Variants in EYA1 observed in about 807,000 individuals in gnomAD.
EYA1 encodes EYA transcriptional coactivator and phosphatase 1.
A neutral mutation model predicts 82.0 loss-of-function variants in EYA1; 16 were observed. That is an observed-to-expected ratio of 0.20 (90% CI 0.13 to 0.30). EYA1 has a LOEUF of 0.30. EYA1 is among the 10% of genes least tolerant of loss of function. The pLI, the probability that EYA1 is intolerant of heterozygous loss-of-function variation, is 1.00. For synonymous variants in EYA1, 261 were observed against 264.4 expected (o/e 0.99, Z 0.12); for missense variants, 633 against 730.7 (o/e 0.87, Z 1.54).
intron 2 of EYA1, among the ~76,000 whole-genome samples, chr8:71,400,095 G>A (rs1829869420): frequency 6.6e-6 from 1 of 152,116 alleles, no homozygotes; most frequent in Non-Finnish European, 1.5e-5. Flanking sequence ...CTAGCCACAT[G>A]CAGAAAATTG....
At chr8:71,417,675 C>G (rs1309610246) in intron 2 of EYA1, among the ~76,000 whole-genome samples, 1 of 152,118 alleles carries the variant, frequency 6.6e-6, no homozygotes, top group Admixed American at 6.5e-5. Context: ...ACAAGGGTTC[C>G]TGCTGAACAC....
intron 2 of EYA1, among the ~76,000 whole-genome samples, chr8:71,458,624 A>G (rs188567256): frequency 7.0e-4 from 107 of 152,122 alleles, no homozygotes; most frequent in Middle Eastern, 3.2e-3. Flanking sequence ...TGGATTAGAT[A>G]TGGATGATGA....
chr8:71,469,420 T>C (rs1327832739), intron 2 of EYA1, among the ~76,000 whole-genome samples: 1 of 151,974 alleles, frequency 6.6e-6, no homozygotes, highest in East Asian at 1.9e-4. Flanking sequence ...GGTGTGAAAA[T>C]AGTGCCTATC....
intron 2 of EYA1, 58 bp from the exon 3 acceptor site, chr8:71,354,967 A>C: frequency 1.3e-6 from 2 of 1,548,330 alleles, no homozygotes; most frequent in Non-Finnish European, 1.8e-6. Flanking sequence ...ACCACCATTT[A>C]ATGCGCTAAT....
At chr8:71,218,166 G>A (rs186059227) in intron 12 of EYA1, among the ~76,000 whole-genome samples, 26 of 152,102 alleles carry the variant, frequency 1.7e-4, no homozygotes, top group Admixed American at 7.9e-4. Context: ...ATTTCCAGGC[G>A]CACATCCTGT....
At chr8:71,381,080 T>C (rs1342181304) in intron 2 of EYA1, among the ~76,000 whole-genome samples, 5 of 152,172 alleles carry the variant, frequency 3.3e-5, no homozygotes, top group Admixed American at 1.3e-4. Context: ...AAATCAAAGA[T>C]ATCAAAGATT....
At chr8:71,439,125 A>G (rs1414612453) in intron 2 of EYA1, among the ~76,000 whole-genome samples, 3 of 152,202 alleles carry the variant, frequency 2.0e-5, no homozygotes, top group Admixed American at 1.3e-4. Context: ...GTAAAGGCCC[A>G]GATGATTCTG....
chr8:71,413,980 A>G (rs752297120), intron 2 of EYA1, among the ~76,000 whole-genome samples: 7 of 152,220 alleles, frequency 4.6e-5, no homozygotes, highest in Admixed American at 6.5e-5. Context: ...GAAGTTTGTT[A>G]GAGAATGCTG....
At chr8:71,393,311 T>C (rs1829385304) in intron 2 of EYA1, among the ~76,000 whole-genome samples, 1 of 152,012 alleles carries the variant, frequency 6.6e-6, no homozygotes, top group Non-Finnish European at 1.5e-5. Flanking sequence ...TTATTATTAT[T>C]ATACTTTAAG....
chr8:71,439,443 A>T (rs181176607), intron 2 of EYA1, among the ~76,000 whole-genome samples: 1 of 152,222 alleles, frequency 6.6e-6, no homozygotes, highest in African/African-American at 2.4e-5. Flanking sequence ...GTTATGTACT[A>T]GTTGGGATGT....
chr8:71,472,857 T>G (rs1024306079), intron 2 of EYA1, among the ~76,000 whole-genome samples: 8 of 147,406 alleles, frequency 5.4e-5, no homozygotes, highest in Non-Finnish European at 1.0e-4. Flanking sequence ...TTATGTTTAT[T>G]TATATTGCCA....
intron 2 of EYA1, among the ~76,000 whole-genome samples, chr8:71,453,399 A>G (rs1008719464): frequency 2.0e-5 from 3 of 152,182 alleles, no homozygotes; most frequent in Non-Finnish European, 4.4e-5. Context: ...GCCAACATTC[A>G]AATTCAGGAA....
intron 17 of EYA1, among the ~76,000 whole-genome samples, chr8:71,203,684 G>A (rs1585742428): frequency 6.6e-6 from 1 of 151,906 alleles, no homozygotes; most frequent in East Asian, 1.9e-4. Flanking sequence ...AATGGAAGGA[G>A]CGAGAGGCTA....
Position 71,448,817 on chromosome 8 carries a change from T to C in EYA1, c.33+86927A>G, listed in dbSNP as rs575376541. 1.9e-4 allele frequency: 32 copies of C among 166,158 alleles called. 1 individual carries two copies. The South Asian group carries it at 4.0e-3, about 21-fold the overall frequency. 10.3% of individuals were successfully genotyped at this position (166,158 alleles called of 1,614,324 possible). Reference sequence around the variant, plus strand: ...ATTTTTCTACATTCCACTTAAAAAGTGTTTCCTTTCCTAAGAAACTGAACT... The same window carrying C: ...ATTTTTCTACATTCCACTTAAAAAGCGTTTCCTTTCCTAAGAAACTGAACT... On this transcript the variant is annotated intron_variant, in intron 2 of 18. Coordinates refer to the EYA1 transcript ENST00000643681.
chr8:71,535,035 A>C (rs1378846158), intron 2 of EYA1, among the ~76,000 whole-genome samples: 1 of 152,118 alleles, frequency 6.6e-6, no homozygotes, highest in Non-Finnish European at 1.5e-5. Flanking sequence ...TTGCTATGGA[A>C]ATTTTCCGAG....
intron 3 of EYA1, among the ~76,000 whole-genome samples, chr8:71,346,431 A>AATATATATAATATATATAT (rs770393582): frequency 7.0e-4 from 74 of 105,230 alleles, no homozygotes; most frequent in African/African-American, 2.2e-3. Context: ...TACTGCAGTG[A>AATATATATAATATATATAT]ATATATATAT....
intron 7 of EYA1, among the ~76,000 whole-genome samples, chr8:71,311,618 G>A (rs929868159): frequency 2.0e-5 from 3 of 152,184 alleles, no homozygotes; most frequent in African/African-American, 7.2e-5. Context: ...TAACACTGCG[G>A]AACAGGAAAA....
At chr8:71,420,474 T>A (rs28455100) in intron 2 of EYA1, among the ~76,000 whole-genome samples, 33,378 of 152,062 alleles carry the variant, frequency 0.22, 4,397 homozygotes, top group Non-Finnish European at 0.3. Flanking sequence ...AAGCTTTTTT[T>A]AAAAAAATTA....
rs149002507 is a variant in EYA1, at chr8:71,394,946, T to C, written c.34-38435A>G. Among the ~76,000 whole-genome samples, 303 of 152,326 alleles carry C rather than the reference T, an allele frequency of 2.0e-3. 1 individual carries two copies. Among genetic ancestry groups the C allele is most frequent in the African/African-American group, 6.8e-3 (282 of 41,562 alleles). Reference sequence around the variant, plus strand: ...TGAGCGTGGAATGTTCTTCCATTTGTTTGTATCCTCTTTTATTTCGTTGAG... The same window carrying C: ...TGAGCGTGGAATGTTCTTCCATTTGCTTGTATCCTCTTTTATTTCGTTGAG... On this transcript the variant is annotated intron_variant, in intron 2 of 18. Transcript: ENST00000643681.
Sources: gnomAD v4.1 joint callset for allele counts (sites outside exome capture counted in the v4.1 genomes callset) on GRCh38, gnomAD v4.1.1 for gene constraint, MANE v1.5 for transcripts, NCBI Gene and HGNC (gene_info 2026-07-23, HGNC 2026-07-21) for gene names.